CDH7: variants seen among roughly 807,000 people sequenced by gnomAD.
CDH7 encodes cadherin-7.
A neutral mutation model predicts 71.8 loss-of-function variants in CDH7; 25 were observed. The ratio of observed to expected loss-of-function variants is 0.35; its 90% CI spans 0.25 to 0.49. The LOEUF is 0.49. Among genes scored for constraint, CDH7 ranks in the 20% least tolerant of loss-of-function variants. The pLI is 0.99. For missense variants in CDH7, 862 were observed against 974.6 expected, an observed-to-expected ratio of 0.88 and a Z score of 1.54; for synonymous variants, 381 against 363.8, an observed-to-expected ratio of 1.05 and a Z score of -0.54.
At chr18:65,829,655 G>A (rs947452368) in intron 6 of CDH7, among the ~76,000 whole-genome samples, 3 of 150,248 alleles carry the variant, frequency 2.0e-5, no homozygotes, top group Non-Finnish European at 4.4e-5. Context: ...CTCTGCTTTC[G>A]TGCCCCCTTA....
chr18:65,823,972 G>A (rs899703800), intron 5 of CDH7, among the ~76,000 whole-genome samples: 1 of 151,628 alleles, frequency 6.6e-6, no homozygotes, highest in Non-Finnish European at 1.5e-5. Context: ...TTTGAGGGAT[G>A]GTGAAGAGGA....
In CDH7 at chr18:65,883,290, G is replaced by A. The variant is rs1326799033; in HGVS notation, c.*2396G>A. ...TGGCTGGAAGAATGTTCCTAATATA[G>A]GTAGTATTTATATGAAGTATTCTAA... On this transcript the variant is annotated 3_prime_UTR_variant, in exon 12 of 12. Coordinates refer to ENST00000397968, the MANE Select transcript of CDH7 (RefSeq NM_004361.5). 6.6e-6 allele frequency: 1 copy of A among 151,646 alleles called. No homozygotes were observed. Among genetic ancestry groups the A allele is most frequent in the Non-Finnish European group, 1.5e-5 (1 of 67,862 alleles). 9.4% of individuals were successfully genotyped at this position (151,646 alleles called of 1,614,324 possible).
intron 7 of CDH7, among the ~76,000 whole-genome samples, chr18:65,849,149 A>ATAAGCTGT (rs1452452688): frequency 6.6e-6 from 1 of 152,170 alleles, no homozygotes; most frequent in Non-Finnish European, 1.5e-5. Context: ...TGAGAAGACT[A>ATAAGCTGT]TAAGCTGTAC....
In CDH7 at chr18:65,798,223, A is replaced by T. The variant is rs193019915; in HGVS notation, c.211-11481A>T. The stretch of plus-strand genomic sequence containing the variant: ...TCCATAAATCAAAGCATTTGAGAGC[A>T]TGGAAAAATAAGAGTATGTCAGATA... On this transcript the variant is annotated intron_variant, in intron 2 of 11. Transcript: ENST00000397968. 6.0e-3 allele frequency among the ~76,000 whole-genome samples: 862 copies of T among 143,536 alleles called. 8 individuals carry two copies. The highest frequency in any genetic ancestry group is 0.025 in the African/African-American group (837 of 33,516). 94.2% of individuals were successfully genotyped at this position (143,536 alleles called of 152,430 possible). A position where few individuals can be genotyped will look rare whatever the true frequency, so the allele number is the denominator to read the frequency against.
At chr18:65,832,976 T>A (rs181461149) in intron 6 of CDH7, among the ~76,000 whole-genome samples, 2 of 152,316 alleles carry the variant, frequency 1.3e-5, no homozygotes, top group African/African-American at 4.8e-5. Context: ...GAAAGATAAC[T>A]ATGCATCCGG....
At chr18:65,768,137 T>C (rs1393855007) in intron 2 of CDH7, among the ~76,000 whole-genome samples, 1 of 152,224 alleles carries the variant, frequency 6.6e-6, no homozygotes, top group Non-Finnish European at 1.5e-5. Context: ...TTTTTAACAA[T>C]GTTTGTGTTT....
intron 2 of CDH7, among the ~76,000 whole-genome samples, chr18:65,766,483 A>G (rs1465766594): frequency 6.6e-6 from 1 of 152,050 alleles, no homozygotes; most frequent in Non-Finnish European, 1.5e-5. Flanking sequence ...CTCAGGAACC[A>G]CCCGGGCTCA....
chr18:65,778,529 C>CTTTTTTTTTTTTTTTTTAT (rs1910047011), intron 2 of CDH7, among the ~76,000 whole-genome samples: 1 of 84,340 alleles, frequency 1.2e-5, no homozygotes, highest in African/African-American at 4.4e-5. Flanking sequence ...GCGTCTCACT[C>CTTTTTTTTTTTTTTTTTAT]TTTTTTTTTT....
rs142096416 is a variant in CDH7 at position 65,889,960 on chromosome 18, C to CT, written c.*9075dup. On this transcript the variant is annotated 3_prime_UTR_variant, in exon 12 of 12. Coordinates refer to ENST00000397968, the MANE Select transcript of CDH7 (RefSeq NM_004361.5). ...GACACCTCCACTGCCCCCACTTTTTCTTTTTTTTTGACAAGGTCTCATTAT... is the reference window on the plus strand; with the variant it reads ...GACACCTCCACTGCCCCCACTTTTTCTTTTTTTTTTGACAAGGTCTCATTAT... 15,251 of 151,124 alleles carry CT rather than the reference C, an allele frequency of 0.1. 878 individuals are homozygous for CT. The highest frequency in any genetic ancestry group is 0.16 in the African/African-American group (6,522 of 41,184). 9.4% of individuals were successfully genotyped at this position (151,124 alleles called of 1,614,324 possible). A position where few individuals can be genotyped will look rare whatever the true frequency, so the allele number is the denominator to read the frequency against.
At chr18:65,808,916 T>G (rs1225278289) in intron 2 of CDH7, among the ~76,000 whole-genome samples, 1 of 152,170 alleles carries the variant, frequency 6.6e-6, no homozygotes, top group Non-Finnish European at 1.5e-5. Flanking sequence ...GTGAGTTTCC[T>G]GAGGTTCCTC....
At chr18:65,841,718 T>A (rs1473205786) in intron 6 of CDH7, among the ~76,000 whole-genome samples, 3 of 152,122 alleles carry the variant, frequency 2.0e-5, no homozygotes, top group Non-Finnish European at 2.9e-5. Context: ...AGGATTTGCT[T>A]CAGAATCACT....
intron 6 of CDH7, among the ~76,000 whole-genome samples, chr18:65,840,977 G>A (rs1445955964): frequency 6.6e-6 from 1 of 151,926 alleles, no homozygotes; most frequent in Non-Finnish European, 1.5e-5. Context: ...ACAATGAGAA[G>A]TCATATAAAA....
intron 9 of CDH7, among the ~76,000 whole-genome samples, chr18:65,859,378 A>G (rs529899402): frequency 2.6e-5 from 4 of 152,286 alleles, no homozygotes; most frequent in South Asian, 2.1e-4. Context: ...GTGTCTTACA[A>G]TTCTAAGAAT....
intron 6 of CDH7, among the ~76,000 whole-genome samples, chr18:65,836,221 G>T (rs181774634): frequency 2.0e-3 from 312 of 152,256 alleles, no homozygotes; most frequent in African/African-American, 4.6e-3. Context: ...TTGGTAATTT[G>T]TTACTGTAGC....
chr18:65,775,251 G>A (rs112394711), intron 2 of CDH7, among the ~76,000 whole-genome samples: 2,044 of 152,172 alleles, frequency 0.013, 63 homozygotes, highest in African/African-American at 0.047. Flanking sequence ...TGTGGTGCTG[G>A]GTGTGGAAGA....
At chr18:65,799,088 C>G (rs1911020370) in intron 2 of CDH7, among the ~76,000 whole-genome samples, 1 of 152,122 alleles carries the variant, frequency 6.6e-6, no homozygotes, top group Non-Finnish European at 1.5e-5. Flanking sequence ...CCTCCTTGGA[C>G]AGGCTCTTTG....
At chr18:65,876,208 G>T (rs1490084307) in intron 11 of CDH7, among the ~76,000 whole-genome samples, 1 of 152,078 alleles carries the variant, frequency 6.6e-6, no homozygotes, top group Admixed American at 6.6e-5. Context: ...CCAATATCCA[G>T]CACTATTTCC....
intron 5 of CDH7, among the ~76,000 whole-genome samples, chr18:65,823,364 C>T (rs1449915995): frequency 6.6e-6 from 1 of 151,824 alleles, no homozygotes; most frequent in African/African-American, 2.4e-5. Context: ...ATGCAATTAT[C>T]TTGGGCTTAT....
At chr18:65,852,749 T>C (rs928755409) in intron 7 of CDH7, among the ~76,000 whole-genome samples, 2 of 152,182 alleles carry the variant, frequency 1.3e-5, no homozygotes, top group Non-Finnish European at 2.9e-5. Context: ...AATAAAAGCA[T>C]GGTTCTCTTA....
Sources: gnomAD v4.1 joint callset for allele counts (sites outside exome capture counted in the v4.1 genomes callset) on GRCh38, gnomAD v4.1.1 for gene constraint, MANE v1.5 for transcripts, NCBI Gene and HGNC (gene_info 2026-07-23, HGNC 2026-07-21) for gene names.